The following SHISA6 variants were observed in gnomAD, a reference collection of about 807,000 sequenced individuals.
SHISA6 encodes the protein shisa family member 6, also known as protein shisa-6.
In SHISA6, 22 loss-of-function variants were observed where a neutral mutation model predicts 47.9. The ratio of observed to expected loss-of-function variants is 0.46; its 90% CI spans 0.33 to 0.66. SHISA6 has a LOEUF of 0.66. Among genes scored for constraint, SHISA6 ranks in the 30% least tolerant of loss-of-function variants. SHISA6 has a pLI of 0.02. For synonymous variants in SHISA6, 388 were observed against 337.8 expected, an observed-to-expected ratio of 1.15 and a Z score of -1.63; for missense variants, 680 against 764.6, an observed-to-expected ratio of 0.89 and a Z score of 1.30.
intron 2 of SHISA6, among the ~76,000 whole-genome samples, chr17:11,267,709 G>T (rs1300045150): frequency 6.6e-6 from 1 of 152,166 alleles, no homozygotes; most frequent in Non-Finnish European, 1.5e-5. Context: ...AGATCTGCAA[G>T]ATGCAGACTG....
intron 2 of SHISA6, among the ~76,000 whole-genome samples, chr17:11,293,574 G>C (rs970521135): frequency 1.3e-5 from 2 of 152,126 alleles, no homozygotes; most frequent in Non-Finnish European, 2.9e-5. Context: ...GGGTCATTTA[G>C]CACTGACACC....
In SHISA6 at chr17:11,465,947, G is replaced by C. The variant is rs17772980; in HGVS notation, c.896-85949G>C. 4.4e-4 allele frequency among the ~76,000 whole-genome samples: 67 copies of C among 152,064 alleles called. 2 individuals carry two copies. The East Asian group carries it at 0.013, about 29-fold the overall frequency. ...TCTCAATTCAACTACTAGCAGCAAC[G>C]TTCCCTCTACCACCATCCCAAAGAA... On this transcript the variant is annotated intron_variant, in intron 3 of 5. Transcript: ENST00000441885.
intron 2 of SHISA6, among the ~76,000 whole-genome samples, chr17:11,271,618 T>C (rs1908665349): frequency 6.9e-6 from 1 of 144,824 alleles, no homozygotes; most frequent in African/African-American, 2.6e-5. Flanking sequence ...TTTTTTTTTT[T>C]TTTTTTTTTT....
At chr17:11,258,720 G>A (rs1345301108) in intron 1 of SHISA6, among the ~76,000 whole-genome samples, 4 of 152,116 alleles carry the variant, frequency 2.6e-5, no homozygotes, top group Admixed American at 6.5e-5. Context: ...ATTTCATTTG[G>A]CAAAAAAGAT....
intron 2 of SHISA6, among the ~76,000 whole-genome samples, chr17:11,329,540 A>G (rs1051478418): frequency 3.9e-5 from 6 of 151,940 alleles, no homozygotes; most frequent in African/African-American, 1.5e-4. Context: ...TAAGAAGGGG[A>G]TGGGGTGAAG....
At chr17:11,387,055 G>A (rs866642866) in intron 3 of SHISA6, among the ~76,000 whole-genome samples, 5 of 152,286 alleles carry the variant, frequency 3.3e-5, no homozygotes, top group African/African-American at 9.6e-5. Context: ...CTTCTGCCCA[G>A]AGCTCGAACC....
At chr17:11,523,183 G>A (rs1262038888) in intron 3 of SHISA6, among the ~76,000 whole-genome samples, 1 of 152,128 alleles carries the variant, frequency 6.6e-6, no homozygotes. Context: ...CTATGTAAAG[G>A]CACGTTCTAG....
chr17:11,429,084 C>T (rs892377981), intron 3 of SHISA6, among the ~76,000 whole-genome samples: 2 of 152,096 alleles, frequency 1.3e-5, no homozygotes, highest in African/African-American at 4.8e-5. Context: ...CCACCGTGCC[C>T]GGCCAAGGGA....
At chr17:11,488,646 T>C (rs938568755) in intron 3 of SHISA6, among the ~76,000 whole-genome samples, 2 of 152,228 alleles carry the variant, frequency 1.3e-5, no homozygotes, top group African/African-American at 4.8e-5. Context: ...TTGTTCTCTG[T>C]TGGTGTCCTT....
At chr17:11,257,401 C>T (rs1369373681) in intron 1 of SHISA6, among the ~76,000 whole-genome samples, 1 of 152,070 alleles carries the variant, frequency 6.6e-6, no homozygotes, top group Non-Finnish European at 1.5e-5. Context: ...TGGCTTAAAC[C>T]TATCATTCCA....
chr17:11,378,849 TG>T (rs1362113021), intron 2 of SHISA6, among the ~76,000 whole-genome samples: 2 of 152,202 alleles, frequency 1.3e-5, no homozygotes, highest in Non-Finnish European at 2.9e-5. Flanking sequence ...AGTCACGAGC[TG>T]TAGTCCCACA....
At chr17:11,527,656 A>C (rs1387961259) in intron 3 of SHISA6, among the ~76,000 whole-genome samples, 1 of 150,468 alleles carries the variant, frequency 6.6e-6, no homozygotes, top group Non-Finnish European at 1.5e-5. Flanking sequence ...CTGGCCTGCT[A>C]TCTGTTTTTG....
chr17:11,556,139 C>G (rs1201793873), intron 5 of SHISA6, among the ~76,000 whole-genome samples: 1 of 152,170 alleles, frequency 6.6e-6, no homozygotes, highest in Non-Finnish European at 1.5e-5. Context: ...AGGAGACGGC[C>G]TTCCAATTCA....
At chr17:11,316,407 C>T (rs1419957146) in intron 2 of SHISA6, among the ~76,000 whole-genome samples, 1 of 65,960 alleles carries the variant, frequency 1.5e-5, no homozygotes, top group African/African-American at 6.2e-5. Context: ...GTCTCTCTCT[C>T]TCTCTCTCTC....
At chr17:11,301,064 G>A (rs1182160832) in intron 2 of SHISA6, among the ~76,000 whole-genome samples, 1 of 152,136 alleles carries the variant, frequency 6.6e-6, no homozygotes, top group Non-Finnish European at 1.5e-5. Flanking sequence ...GTACAGCTGC[G>A]TGGAGTCCCG....
intron 2 of SHISA6, among the ~76,000 whole-genome samples, chr17:11,372,139 CTTT>C (rs1912649138): frequency 6.6e-6 from 1 of 152,172 alleles, no homozygotes; most frequent in African/African-American, 2.4e-5. Flanking sequence ...CTGCCTCCTT[CTTT>C]TTAACAGCTG....
At chr17:11,323,445 G>A (rs939509824) in intron 2 of SHISA6, among the ~76,000 whole-genome samples, 18 of 151,954 alleles carry the variant, frequency 1.2e-4, no homozygotes, top group East Asian at 9.7e-4. Flanking sequence ...ACCTGAGGTC[G>A]GGAGTTCGAG....
At chr17:11,394,819 C>T (rs1196401247) in intron 3 of SHISA6, among the ~76,000 whole-genome samples, 3 of 151,646 alleles carry the variant, frequency 2.0e-5, no homozygotes, top group Non-Finnish European at 2.9e-5. Context: ...TATCTTTTTG[C>T]TTCTTTTAGT....
At chr17:11,507,403 C>T (rs1410679576) in intron 3 of SHISA6, among the ~76,000 whole-genome samples, 1 of 152,156 alleles carries the variant, frequency 6.6e-6, no homozygotes, top group African/African-American at 2.4e-5. Flanking sequence ...CTGCTCAGAG[C>T]TTTCCTCTCC....
Sources: gnomAD v4.1 joint callset for allele counts (sites outside exome capture counted in the v4.1 genomes callset) on GRCh38, gnomAD v4.1.1 for gene constraint, MANE v1.5 for transcripts, NCBI Gene and HGNC (gene_info 2026-07-23, HGNC 2026-07-21) for gene names.